ZBTB10: variants seen among roughly 807,000 people sequenced by gnomAD.
ZBTB10 encodes the protein zinc finger and BTB domain containing 10.
ZBTB10 carries 32 observed loss-of-function variants against 76.4 expected under a neutral mutation model. The ratio of observed to expected loss-of-function variants is 0.42; its 90% CI spans 0.32 to 0.56. The LOEUF (loss-of-function observed/expected upper bound fraction) is 0.56, where lower values mean the gene tolerates loss of function less well. Among genes scored for constraint, ZBTB10 ranks in the 20% least tolerant of loss-of-function variants. The pLI is 0.14. For missense variants in ZBTB10, 1,057 were observed against 1,098.5 expected (o/e 0.96, Z 0.53); for synonymous variants, 523 against 432.9 (o/e 1.21, Z -2.58).
At chr8:80,505,317 T>A (rs913986574) in intron 2 of ZBTB10, among the ~76,000 whole-genome samples, 2 of 152,214 alleles carry the variant, frequency 1.3e-5, no homozygotes, top group African/African-American at 4.8e-5. Context: ...GGGATTTTTT[T>A]ATGTAGTTGA....
At chr8:80,514,922 C>T (rs1338884316) in intron 3 of ZBTB10, among the ~76,000 whole-genome samples, 1 of 152,158 alleles carries the variant, frequency 6.6e-6, no homozygotes, top group Non-Finnish European at 1.5e-5. Flanking sequence ...ATGTATACGA[C>T]AGGTAGTCCA....
intron 4 of ZBTB10, 64 bp from the exon 5 acceptor site, chr8:80,518,718 G>A: frequency 1.3e-6 from 2 of 1,509,506 alleles, no homozygotes; most frequent in Admixed American, 2.4e-5. Flanking sequence ...GAGATAAGAA[G>A]TTTTGATAGC....
chr8:80,510,691 G>A (rs938193951), intron 2 of ZBTB10, among the ~76,000 whole-genome samples: 1 of 150,882 alleles, frequency 6.6e-6, no homozygotes, highest in East Asian at 2.0e-4. Context: ...TTAGACAAGT[G>A]CAGTAGTGAG....
intron 2 of ZBTB10, among the ~76,000 whole-genome samples, chr8:80,510,758 T>C (rs1192017096): frequency 6.6e-6 from 1 of 152,152 alleles, no homozygotes; most frequent in African/African-American, 2.4e-5. Flanking sequence ...TTCTGCTGTT[T>C]GCAAAGAAAT....
upstream of ZBTB10, chr8:80,486,166 C>G: frequency 8.7e-7 from 1 of 1,153,532 alleles, no homozygotes. Flanking sequence ...GGCCCCCACC[C>G]TTTCCCCCTC....
intron 1 of ZBTB10, among the ~76,000 whole-genome samples, chr8:80,494,770 A>AG: frequency 6.6e-6 from 1 of 151,908 alleles, no homozygotes. Flanking sequence ...ATTTAAAAAA[A>AG]TAAAATAACT....
In ZBTB10 at chr8:80,524,618, G is replaced by C. The variant is rs183241258; in HGVS notation, c.*5090G>C. The C allele has an allele frequency of 3.2e-4, 49 of 152,142 alleles. No individual in the cohort carries two copies. Among genetic ancestry groups the C allele is most frequent in the African/African-American group, 1.1e-3 (47 of 41,546 alleles). The allele number at this position is 152,142 out of a possible 1,614,324, so 9.4% of individuals were successfully genotyped here. ...ATTCAGACTTGACTTAGAAAAACAG[G>C]AGTTTGTTGATTTTGTTTGGAGAAG... On this transcript the variant is annotated 3_prime_UTR_variant, in exon 6 of 6. Coordinates refer to ENST00000455036, the MANE Select transcript of ZBTB10 (RefSeq NM_001105539.3).
At position 80,500,367 on chromosome 8, in the gene ZBTB10, A is replaced by C. The variant is rs1380557940; in HGVS notation, c.1846A>C (p.Ile616Leu). Reference sequence around the variant, plus strand: ...CTATCCAGAAGAAAATACACTACTCATCAAGGAAGAACCAGGTAAATATTA... The same window carrying C: ...CTATCCAGAAGAAAATACACTACTCCTCAAGGAAGAACCAGGTAAATATTA... ...VAYPEENTLL[I>L]KEEPDLDGAL... The change falls in exon 2 of 6, where the codon ATC becomes CTC. Residue 616 changes from isoleucine (I) to leucine (L), a missense_variant. Physicochemically the swap from Ile to Leu is conservative, Grantham distance 5. This residue lies in a region of ZBTB10 where 306 missense variants were observed against 297.5 expected (regional missense o/e 1.03). Coordinates refer to ENST00000455036, the MANE Select transcript of ZBTB10 (RefSeq NM_001105539.3). 1 of 1,563,740 alleles carries C rather than the reference A, an allele frequency of 6.4e-7. No individual in the cohort carries two copies. The highest frequency in any genetic ancestry group is 1.4e-5 in the African/African-American group (1 of 73,078).
chr8:80,488,887 T>A (rs1389792196), intron 1 of ZBTB10, among the ~76,000 whole-genome samples: 1 of 152,096 alleles, frequency 6.6e-6, no homozygotes, highest in African/African-American at 2.4e-5. Context: ...TACCCTGGGG[T>A]TAATTAGGCG....
At position 80,486,539 on chromosome 8, in the gene ZBTB10, G is replaced by T; in HGVS notation, c.-272G>T. 1.0e-6 allele frequency: 1 copy of T among 986,124 alleles called. No individual in the cohort carries two copies. Among genetic ancestry groups the T allele is most frequent in the Non-Finnish European group, 1.2e-6 (1 of 830,486 alleles). 61.1% of individuals were successfully genotyped at this position (986,124 alleles called of 1,614,324 possible). Reference sequence around the variant, plus strand: ...GCCGCCCGCCCCCTTCTCCGCGCGGGACGCTGCCCGGAGCGCGGCGGGGCG... The same window carrying T: ...GCCGCCCGCCCCCTTCTCCGCGCGGTACGCTGCCCGGAGCGCGGCGGGGCG... On this transcript the variant is annotated 5_prime_UTR_variant, in exon 1 of 6. Coordinates refer to ENST00000455036, the MANE Select transcript of ZBTB10 (RefSeq NM_001105539.3).
chr8:80,501,748 C>G (rs1585848714), intron 2 of ZBTB10, among the ~76,000 whole-genome samples: 1 of 152,038 alleles, frequency 6.6e-6, no homozygotes, highest in Non-Finnish European at 1.5e-5. Flanking sequence ...TACTATATAT[C>G]TTTTTCCTTG....
chr8:80,501,995 C>T (rs1363303606), intron 2 of ZBTB10, among the ~76,000 whole-genome samples: 1 of 152,144 alleles, frequency 6.6e-6, no homozygotes, highest in African/African-American at 2.4e-5. Flanking sequence ...GAATAAATAA[C>T]ATCTTTTGGG....
At chr8:80,507,096 G>A (rs965275000) in intron 2 of ZBTB10, among the ~76,000 whole-genome samples, 53 of 145,134 alleles carry the variant, frequency 3.7e-4, no homozygotes, top group Middle Eastern at 4.2e-3. Context: ...GATCACGAGG[G>A]CAAGAGATCG....
At position 80,513,257 on chromosome 8, in the gene ZBTB10, C is replaced by G. The variant is rs549105875; in HGVS notation, c.1862-653C>G. The stretch of plus-strand genomic sequence containing the variant: ...CCCGGACTCAGGCGGATCCTCCCAC[C>G]TCAGCCTCCCAAGTAGCTGGGACTA... On this transcript the variant is annotated intron_variant, in intron 2 of 5. Coordinates refer to ENST00000455036, the MANE Select transcript of ZBTB10 (RefSeq NM_001105539.3). Among the ~76,000 whole-genome samples the G allele has an allele frequency of 2.0e-5, 3 of 152,258 alleles. No individual in the cohort carries two copies. In the East Asian group the frequency reaches 5.8e-4, roughly 29 times the overall value.
At chr8:80,501,731 T>TAA (rs1156867818) in intron 2 of ZBTB10, among the ~76,000 whole-genome samples, 2 of 152,198 alleles carry the variant, frequency 1.3e-5, no homozygotes, top group Non-Finnish European at 2.9e-5. Flanking sequence ...TGTGTATATA[T>TAA]AACGAATACT....
intron 3 of ZBTB10, among the ~76,000 whole-genome samples, chr8:80,517,153 G>GCCTT (rs1194324075): frequency 6.6e-6 from 1 of 152,176 alleles, no homozygotes; most frequent in African/African-American, 2.4e-5. Flanking sequence ...AGTCTTTGCA[G>GCCTT]CCTTGTAAGC....
In ZBTB10 at chr8:80,487,377, G is replaced by A; in HGVS notation, c.567G>A (p.Glu189=). 6.5e-7 allele frequency: 1 copy of A among 1,529,998 alleles called. No homozygotes were observed. The highest frequency in any genetic ancestry group is 8.8e-7 in the Non-Finnish European group (1 of 1,135,508). The allele number at this position is 1,529,998 out of a possible 1,614,324, so 94.8% of individuals were successfully genotyped here. A position where few individuals can be genotyped will look rare whatever the true frequency, so the allele number is the denominator to read the frequency against. Residue 189 remains glutamate, a synonymous_variant, in exon 1 of 6, where the codon GAG becomes GAA. Transcript: ENST00000455036. ...SLSDSTEDEE[E]GASLGDGSGA... is the part of the protein sequence containing the mutation. Reference sequence around the variant, plus strand: ...GCGACAGCACCGAGGACGAGGAGGAGGGGGCGAGCCTGGGCGACGGCAGCG... The same window carrying A: ...GCGACAGCACCGAGGACGAGGAGGAAGGGGCGAGCCTGGGCGACGGCAGCG...
At chr8:80,508,205 T>C (rs1238125186) in intron 2 of ZBTB10, among the ~76,000 whole-genome samples, 1 of 152,244 alleles carries the variant, frequency 6.6e-6, no homozygotes, top group Non-Finnish European at 1.5e-5. Context: ...TTTTGTGACT[T>C]CTTCCTGCTG....
Position 80,487,421 on chromosome 8 carries a change from G to A in ZBTB10, c.611G>A (p.Cys204Tyr). The change falls in exon 1 of 6, where the codon TGC becomes TAC. Residue 204 changes from cysteine to tyrosine, a missense_variant. By Grantham distance (194) the Cys-to-Tyr change is radical. Transcript: ENST00000455036. ...GGCAGCGGGGCGGAAGGCGGCAGCT[G>A]CAGCAGCAGCAGGCGGTCGGGCGGC... ...GDGSGAEGGS[C>Y]SSSRRSGGDG... 1 of 1,538,400 alleles carries A rather than the reference G, an allele frequency of 6.5e-7. No individual in the cohort carries two copies. Among genetic ancestry groups the A allele is most frequent in the Non-Finnish European group, 8.8e-7 (1 of 1,139,290 alleles).
Sources: gnomAD v4.1 joint callset for allele counts (sites outside exome capture counted in the v4.1 genomes callset) on GRCh38, gnomAD v4.1.1 for gene constraint, gnomAD v4.1.1 regional missense constraint, MANE v1.5 for transcripts, NCBI Gene and HGNC (gene_info 2026-07-23, HGNC 2026-07-21) for gene names.